Variants in MAT1A observed in about 807,000 individuals in gnomAD.
The protein encoded by MAT1A is methionine adenosyltransferase 1A.
A neutral mutation model predicts 44.0 loss-of-function variants in MAT1A; 19 were observed. That is an observed-to-expected ratio of 0.43 (90% CI 0.30 to 0.63). MAT1A has a LOEUF of 0.63. Ranked by LOEUF, MAT1A falls within the 30% of genes least tolerant of loss-of-function variation. The probability of loss-of-function intolerance (pLI) is 0.12; values close to 1 mark genes in which losing one functional copy is unlikely to be tolerated. For missense variants in MAT1A, 397 were observed against 531.0 expected (o/e 0.75, Z 2.48); for synonymous variants, 205 against 205.6 (o/e 1.00, Z 0.03).
chr10:80,279,687 C>T (rs1035543348), intron 5 of MAT1A, among the ~76,000 whole-genome samples: 3 of 151,870 alleles, frequency 2.0e-5, no homozygotes, highest in African/African-American at 4.8e-5. Flanking sequence ...AAACAACAGA[C>T]GTAAAGCCTT....
chr10:80,289,518 A>C lies in MAT1A; in HGVS notation c.-95T>G. 1.9e-6 allele frequency: 1 copy of C among 539,216 alleles called. No homozygotes were observed. Among genetic ancestry groups the C allele is most frequent in the Non-Finnish European group, 2.9e-6 (1 of 341,698 alleles). The allele number at this position is 539,216 out of a possible 1,614,324, so 33.4% of individuals were successfully genotyped here. A position where few individuals can be genotyped will look rare whatever the true frequency, so the allele number is the denominator to read the frequency against. On this transcript the variant is annotated 5_prime_UTR_variant, in exon 1 of 9. Coordinates refer to ENST00000372213, the MANE Select transcript of MAT1A (RefSeq NM_000429.3). Reference sequence around the variant, plus strand: ...TTTTTCTTCTTCTTCTTCTTCTTTCAACCCAACAGGCTTGTCTTTGGCAGA... The same window carrying C: ...TTTTTCTTCTTCTTCTTCTTCTTTCCACCCAACAGGCTTGTCTTTGGCAGA...
chr10:80,285,668 G>A (rs573498553), intron 1 of MAT1A, 79 bp from the exon 2 acceptor site: 44 of 966,662 alleles, frequency 4.6e-5, no homozygotes, highest in African/African-American at 9.7e-5. Flanking sequence ...ATTAGATATC[G>A]ACTTTTCAGT....
chr10:80,273,508 G>T lies in MAT1A; in HGVS notation c.*273C>A. The T allele has an allele frequency of 2.2e-6, 1 of 455,666 alleles. No homozygotes were observed. Among genetic ancestry groups the T allele is most frequent in the Non-Finnish European group, 4.1e-6 (1 of 245,592 alleles). 28.2% of individuals were successfully genotyped at this position (455,666 alleles called of 1,614,324 possible). ...GAGTGAGGGAATTCACTCTTGACGG[G>T]GGTGCCTTTTCCACTAAATTAACAT... On this transcript the variant is annotated 3_prime_UTR_variant, in exon 9 of 9. Transcript: ENST00000372213.
intron 2 of MAT1A, 111 bp downstream of exon 2, chr10:80,285,401 G>C (rs1841635401): frequency 1.2e-6 from 1 of 854,850 alleles, no homozygotes; most frequent in African/African-American, 1.7e-5. Context: ...GCAGAGCAGA[G>C]GACATGGATT....
intron 8 of MAT1A, 46 bp from the exon 9 acceptor site, chr10:80,273,929 G>A (rs1564645206): frequency 2.3e-6 from 3 of 1,328,638 alleles, no homozygotes; most frequent in East Asian, 2.3e-5. Flanking sequence ...TGGAACAGGA[G>A]CAGGGTTTCT....
At chr10:80,282,629 C>T (rs1489118815) in intron 3 of MAT1A, among the ~76,000 whole-genome samples, 1 of 152,150 alleles carries the variant, frequency 6.6e-6, no homozygotes, top group Non-Finnish European at 1.5e-5. Context: ...CTGTGAATAC[C>T]CTCATGTCCC....
intron 6 of MAT1A, among the ~76,000 whole-genome samples, chr10:80,275,770 T>A (rs1024358486): frequency 6.6e-6 from 1 of 152,256 alleles, no homozygotes; most frequent in African/African-American, 2.4e-5. Context: ...CTCCTTCTAC[T>A]CTGTGTTTCT....
chr10:80,276,443 T>G lies in MAT1A; in HGVS notation c.701A>C (p.Lys234Thr), dbSNP rs1032054746. ...EQVIRAVVPA[K>T]YLDEDTVYHL... Reference sequence around the variant, plus strand: ...GTAGACGGTGTCTTCGTCCAGGTACTTGGCCGGCACCACGGCCCTGATGAC... The same window carrying G: ...GTAGACGGTGTCTTCGTCCAGGTACGTGGCCGGCACCACGGCCCTGATGAC... The change falls in exon 6 of 9, where the codon AAG becomes ACG. Residue 234 changes from lysine (K) to threonine (T), a missense_variant. By Grantham distance (78) the Lys-to-Thr change is moderately conservative. Coordinates refer to ENST00000372213, the MANE Select transcript of MAT1A (RefSeq NM_000429.3). 13 of 1,614,062 alleles carry G rather than the reference T, an allele frequency of 8.1e-6. No individual in the cohort carries two copies. The highest frequency in any genetic ancestry group is 9.3e-6 in the Non-Finnish European group (11 of 1,180,048).
intron 5 of MAT1A, 21 bp downstream of exon 5, chr10:80,280,152 T>G: frequency 1.2e-6 from 2 of 1,613,832 alleles, no homozygotes; most frequent in Non-Finnish European, 1.7e-6. Context: ...AGGGCTCTCC[T>G]GGGGTAATTC....
In MAT1A at chr10:80,272,598, G is replaced by C. The variant is rs1215094192; in HGVS notation, c.*1183C>G. ...CACTCAGCCTGCAGGGGATACAAGGGACCAGGGAAAGAGAAAGACTTGAGG... is the reference window on the plus strand; with the variant it reads ...CACTCAGCCTGCAGGGGATACAAGGCACCAGGGAAAGAGAAAGACTTGAGG... On this transcript the variant is annotated 3_prime_UTR_variant, in exon 9 of 9. Coordinates refer to ENST00000372213, the MANE Select transcript of MAT1A (RefSeq NM_000429.3). 6.6e-6 allele frequency: 1 copy of C among 152,498 alleles called. No homozygotes were observed. The highest frequency in any genetic ancestry group is 1.5e-5 in the Non-Finnish European group (1 of 68,250). The allele number at this position is 152,498 out of a possible 1,614,324, so 9.4% of individuals were successfully genotyped here.
At chr10:80,277,785 G>C (rs137958253) in intron 5 of MAT1A, among the ~76,000 whole-genome samples, 24 of 152,312 alleles carry the variant, frequency 1.6e-4, no homozygotes, top group Middle Eastern at 3.4e-3. Context: ...TAGGGCAGCA[G>C]AGCAAAGGGC....
At chr10:80,287,507 A>G (rs1041219052) in intron 1 of MAT1A, among the ~76,000 whole-genome samples, 8 of 152,226 alleles carry the variant, frequency 5.3e-5, no homozygotes, top group Non-Finnish European at 1.0e-4. Flanking sequence ...GATTAGACAA[A>G]TTGATTGGCT....
chr10:80,275,736 G>C (rs1010338481), intron 6 of MAT1A, among the ~76,000 whole-genome samples: 5 of 152,224 alleles, frequency 3.3e-5, no homozygotes, highest in African/African-American at 1.2e-4. Flanking sequence ...GAGAAGTCCT[G>C]CAAGAAAAAA....
At position 80,284,140 on chromosome 10, in the gene MAT1A, G is replaced by C. The variant is rs1841610084; in HGVS notation, c.170-102C>G. The C allele has an allele frequency of 4.8e-6, 7 of 1,470,070 alleles. No individual in the cohort carries two copies. The South Asian group carries it at 8.4e-5, about 18-fold the overall frequency. The allele number at this position is 1,470,070 out of a possible 1,614,324, so 91.1% of individuals were successfully genotyped here. On this transcript the variant is annotated intron_variant, in intron 2 of 8. Transcript: ENST00000372213. Reference sequence around the variant, plus strand: ...CAGTGCAGACAGAAAAGACACAGGAGGGGCCTTACGAGGAATGGATTCCAG... The same window carrying C: ...CAGTGCAGACAGAAAAGACACAGGACGGGCCTTACGAGGAATGGATTCCAG...
In MAT1A at chr10:80,274,665, G is replaced by T; in HGVS notation, c.952-12C>A. Reference sequence around the variant, plus strand: ...ATGGCATAGGAAACCTTCCAGCAAGGTGCAGCGTCAGGGATTGAAGCCTCT... The same window carrying T: ...ATGGCATAGGAAACCTTCCAGCAAGTTGCAGCGTCAGGGATTGAAGCCTCT... On this transcript the variant is annotated splice_polypyrimidine_tract_variant and intron_variant, in intron 7 of 8. Transcript: ENST00000372213. The T allele has an allele frequency of 6.2e-7, 1 of 1,614,174 alleles. No individual in the cohort carries two copies. The highest frequency in any genetic ancestry group is 8.5e-7 in the Non-Finnish European group (1 of 1,180,024).
intron 3 of MAT1A, among the ~76,000 whole-genome samples, chr10:80,282,819 G>A (rs922435571): frequency 1.3e-5 from 2 of 152,078 alleles, no homozygotes; most frequent in African/African-American, 2.4e-5. Flanking sequence ...ACTTACAAAC[G>A]GGGGTCCAGC....
At chr10:80,284,292 T>A (rs1011129184) in intron 2 of MAT1A, among the ~76,000 whole-genome samples, 46 of 152,150 alleles carry the variant, frequency 3.0e-4, no homozygotes, top group Admixed American at 3.0e-3. Context: ...CCCCTCTAAG[T>A]CTCTGTTCCC....
chr10:80,288,208 G>A (rs936286454), intron 1 of MAT1A, among the ~76,000 whole-genome samples: 6 of 152,174 alleles, frequency 3.9e-5, no homozygotes, highest in South Asian at 4.1e-4. Flanking sequence ...GCAAACACTC[G>A]AATGAATTTT....
chr10:80,284,868 C>T (rs1269563729), intron 2 of MAT1A, among the ~76,000 whole-genome samples: 1 of 152,198 alleles, frequency 6.6e-6, no homozygotes, highest in South Asian at 2.1e-4. Flanking sequence ...GATCTTCAGC[C>T]TACATGAGTC....
Sources: allele counts gnomAD v4.1 joint callset (sites outside exome capture counted in the v4.1 genomes callset), GRCh38; gene constraint gnomAD v4.1.1; transcripts MANE v1.5; gene names NCBI Gene and HGNC (gene_info 2026-07-23, HGNC 2026-07-21).